Variants in CCDC134 observed in about 807,000 individuals in gnomAD.
CCDC134 encodes coiled-coil domain containing 134.
A neutral mutation model predicts 25.6 loss-of-function variants in CCDC134; 27 were observed. The observed-to-expected ratio is 1.05, with a 90% CI of 0.78 to 1.45. The LOEUF (loss-of-function observed/expected upper bound fraction) is 1.45, where lower values mean the gene tolerates loss of function less well. Among genes scored for constraint, CCDC134 ranks in the 40% most tolerant of loss-of-function variants. The pLI is 0.00. For missense variants in CCDC134, 261 were observed against 286.7 expected (o/e 0.91, Z 0.65); for synonymous variants, 110 against 115.0 (o/e 0.96, Z 0.28).
rs527849971 is a variant in CCDC134 at position 41,826,815 on chromosome 22, A to G, written c.*992A>G. On this transcript the variant is annotated 3_prime_UTR_variant, in exon 7 of 7. Transcript: ENST00000255784. ...CTGCCCTTCACTCATGCCCCTCCCAAGCAGAGGAGGGAAGGGCTTTAGTGA... is the reference window on the plus strand; with the variant it reads ...CTGCCCTTCACTCATGCCCCTCCCAGGCAGAGGAGGGAAGGGCTTTAGTGA... Among the ~76,000 whole-genome samples the G allele has an allele frequency of 6.6e-6, 1 of 152,286 alleles. No individual in the cohort carries two copies. Among genetic ancestry groups the G allele is most frequent in the African/African-American group, 2.4e-5 (1 of 41,574 alleles).
At position 41,811,417 on chromosome 22, in the gene CCDC134, T is replaced by G. The variant is rs5751167; in HGVS notation, c.310+1126T>G. Among the ~76,000 whole-genome samples, 408 of 152,284 alleles carry G rather than the reference T, an allele frequency of 2.7e-3. 17 individuals carry two copies. In the East Asian group the frequency reaches 0.061, roughly 23 times the overall value. On this transcript the variant is annotated intron_variant, in intron 4 of 6. Transcript: ENST00000255784. ...GTTGTTTTGCAGACGACAATGCTTG[T>G]ACAGAAACTATTCTTTTCTTTTTTT...
chr22:41,815,204 C>CTTTTCT, intron 6 of CCDC134, among the ~76,000 whole-genome samples: 1 of 122,140 alleles, frequency 8.2e-6, no homozygotes, highest in Admixed American at 8.3e-5. Flanking sequence ...CTTTTCTTTT[C>CTTTTCT]TTTTTTTTTT....
intron 4 of CCDC134, among the ~76,000 whole-genome samples, chr22:41,812,885 T>C (rs2076603957): frequency 6.6e-6 from 1 of 152,122 alleles, no homozygotes; most frequent in Non-Finnish European, 1.5e-5. Flanking sequence ...TCAGCATCTG[T>C]GTGCAGAACA....
intron 6 of CCDC134, among the ~76,000 whole-genome samples, chr22:41,820,000 A>ATATATAAT (rs2076642804): frequency 1.5e-5 from 1 of 67,670 alleles, no homozygotes; most frequent in South Asian, 4.5e-4. Context: ...TATATATATA[A>ATATATAAT]TTTTTTTTTT....
chr22:41,823,166 T>C (rs539570859), intron 6 of CCDC134, among the ~76,000 whole-genome samples: 1 of 151,638 alleles, frequency 6.6e-6, no homozygotes, highest in Admixed American at 6.6e-5. Flanking sequence ...GTAATAGATA[T>C]AAATAAGAGT....
intron 1 of CCDC134, among the ~76,000 whole-genome samples, chr22:41,801,118 T>C (rs1422886677): frequency 6.6e-6 from 1 of 152,222 alleles, no homozygotes; most frequent in East Asian, 1.9e-4. Context: ...TCCCGCAGGC[T>C]GCTGTTCTGG....
At chr22:41,800,977 C>G (rs1220662865) in intron 1 of CCDC134, among the ~76,000 whole-genome samples, 1 of 152,224 alleles carries the variant, frequency 6.6e-6, no homozygotes, top group African/African-American at 2.4e-5. Flanking sequence ...TCAAGGCCCG[C>G]CACTACCTGG....
intron 1 of CCDC134, among the ~76,000 whole-genome samples, chr22:41,805,337 A>G (rs1359359902): frequency 6.6e-6 from 1 of 152,144 alleles, no homozygotes; most frequent in Non-Finnish European, 1.5e-5. Flanking sequence ...GAGACTGAGG[A>G]AGGAGAATTG....
chr22:41,828,183 A>G lies in CCDC134; in HGVS notation c.*2360A>G, dbSNP rs962758105. Among the ~76,000 whole-genome samples, 1 of 150,878 alleles carries G rather than the reference A, an allele frequency of 6.6e-6. No homozygotes were observed. Among genetic ancestry groups the G allele is most frequent in the Non-Finnish European group, 1.5e-5 (1 of 67,836 alleles). On this transcript the variant is annotated 3_prime_UTR_variant, in exon 7 of 7. Coordinates refer to ENST00000255784, the MANE Select transcript of CCDC134 (RefSeq NM_024821.5). ...GGGAAGCCAGCCCAGTGTGGTGGCA[A>G]GACCTGGGCAACTTGGGACCAGCCT... is the stretch of plus-strand genomic sequence containing the variant.
chr22:41,810,239 T>G lies in CCDC134; in HGVS notation c.258T>G (p.Ala86=). The G allele has an allele frequency of 6.2e-7, 1 of 1,614,072 alleles. No homozygotes were observed. Among genetic ancestry groups the G allele is most frequent in the Non-Finnish European group, 8.5e-7 (1 of 1,179,996 alleles). ...AGGACTCCCGGACAGTGCTCACCGCTGCTGATGTGCTCCCAGATGGGCCCT... is the reference window on the plus strand; with the variant it reads ...AGGACTCCCGGACAGTGCTCACCGCGGCTGATGTGCTCCCAGATGGGCCCT... ...VLEDSRTVLT[A]ADVLPDGPFP... The change falls in exon 4 of 7, where the codon GCT becomes GCG. Residue 86 remains alanine (A), a synonymous_variant. Coordinates refer to ENST00000255784, the MANE Select transcript of CCDC134 (RefSeq NM_024821.5).
chr22:41,825,968 G>C lies in CCDC134; in HGVS notation c.*145G>C, dbSNP rs1569360060. On this transcript the variant is annotated 3_prime_UTR_variant, in exon 7 of 7. Transcript: ENST00000255784. This position sits in a 1 kb window ranked among gnomAD's most constrained non-coding sequence, Gnocchi z 4.4. Reference sequence around the variant, plus strand: ...TGCCCGGCCCCCTGGAGCTGGGTCTGAGCCCCAGCTGAAGGGACTGAGCCT... The same window carrying C: ...TGCCCGGCCCCCTGGAGCTGGGTCTCAGCCCCAGCTGAAGGGACTGAGCCT... 6.1e-6 allele frequency: 7 copies of C among 1,153,450 alleles called. No individual in the cohort carries two copies. In the East Asian group the frequency reaches 1.4e-4, roughly 24 times the overall value. 71.5% of individuals were successfully genotyped at this position (1,153,450 alleles called of 1,614,324 possible).
Position 41,828,780 on chromosome 22 carries a change from G to A in CCDC134, c.*2957G>A, listed in dbSNP as rs2076691509. The stretch of plus-strand genomic sequence containing the variant: ...CTGCATATACCACTGTGGGAGTCGT[G>A]CTGGTGGCGGTAGTGGTCACAGGTA... On this transcript the variant is annotated 3_prime_UTR_variant, in exon 7 of 7. Transcript: ENST00000255784. Among the ~76,000 whole-genome samples, 1 of 152,212 alleles carries A rather than the reference G, an allele frequency of 6.6e-6. No homozygotes were observed. The highest frequency in any genetic ancestry group is 2.1e-4 in the South Asian group (1 of 4,836).
At chr22:41,803,322 G>A (rs112821713) in intron 1 of CCDC134, among the ~76,000 whole-genome samples, 2,555 of 152,172 alleles carry the variant, frequency 0.017, 82 homozygotes, top group African/African-American at 0.059. Flanking sequence ...GGAAGGAGTG[G>A]CTCTCAAGGT....
chr22:41,819,996 T>TATAA (rs1556021009), intron 6 of CCDC134, among the ~76,000 whole-genome samples: 75 of 132,362 alleles, frequency 5.7e-4, no homozygotes, highest in African/African-American at 2.1e-3. Flanking sequence ...TATATATATA[T>TATAA]ATAATTTTTT....
At chr22:41,809,480 G>A (rs1602236647) in intron 2 of CCDC134, among the ~76,000 whole-genome samples, 1 of 152,214 alleles carries the variant, frequency 6.6e-6, no homozygotes, top group Non-Finnish European at 1.5e-5. Flanking sequence ...GAAACACTGT[G>A]TGATGGTTTT....
chr22:41,825,949 G>T lies in CCDC134; in HGVS notation c.*126G>T. 7.5e-7 allele frequency: 1 copy of T among 1,341,694 alleles called. No homozygotes were observed. Among genetic ancestry groups the T allele is most frequent in the Non-Finnish European group, 1.0e-6 (1 of 977,122 alleles). The allele number at this position is 1,341,694 out of a possible 1,614,324, so 83.1% of individuals were successfully genotyped here. On this transcript the variant is annotated 3_prime_UTR_variant, in exon 7 of 7. Transcript: ENST00000255784. This position sits in a 1 kb window ranked among gnomAD's most constrained non-coding sequence, Gnocchi z 4.4. ...CAGAAGGGGAGGCCACATTTGCCCG[G>T]CCCCCTGGAGCTGGGTCTGAGCCCC...
chr22:41,817,061 G>C (rs1413907361), intron 6 of CCDC134, among the ~76,000 whole-genome samples: 3 of 152,108 alleles, frequency 2.0e-5, no homozygotes, highest in Non-Finnish European at 2.9e-5. Flanking sequence ...CAGATGTATA[G>C]AGACCTGTTA....
chr22:41,810,266 C>T lies in CCDC134; in HGVS notation c.285C>T (p.Phe95=). Residue 95 remains phenylalanine, a synonymous_variant, in exon 4 of 7, where the codon TTC becomes TTT. Transcript: ENST00000255784. ...CTGATGTGCTCCCAGATGGGCCCTT[C>T]CCCCAGGACGAGAAGCTGAAGGATG... ...TAADVLPDGP[F]PQDEKLKDAF... is the part of the protein sequence containing the mutation. 2 of 1,613,956 alleles carry T rather than the reference C, an allele frequency of 1.2e-6. No individual in the cohort carries two copies. Among genetic ancestry groups the T allele is most frequent in the Non-Finnish European group, 1.7e-6 (2 of 1,179,946 alleles).
Position 41,813,363 on chromosome 22 carries a change from A to C in CCDC134, c.410A>C (p.Asn137Thr), listed in dbSNP as rs1291707382. The C allele has an allele frequency of 5.0e-6, 8 of 1,613,706 alleles. No individual in the cohort carries two copies. The highest frequency in any genetic ancestry group is 6.8e-6 in the Non-Finnish European group (8 of 1,179,954). Residue 137 changes from asparagine (N) to threonine (T), a missense_variant, in exon 5 of 7, where the codon AAC becomes ACC. Physicochemically the swap from Asn to Thr is moderately conservative, Grantham distance 65 (BLOSUM62 0). Coordinates refer to ENST00000255784, the MANE Select transcript of CCDC134 (RefSeq NM_024821.5). ...HYYFDHNSNW[N>T]LLIRWGISFC... ...TACTTTGACCACAACTCCAACTGGAACCTCCTCATCCGCTGGGGTATCAGT... is the reference window on the plus strand; with the variant it reads ...TACTTTGACCACAACTCCAACTGGACCCTCCTCATCCGCTGGGGTATCAGT...
Sources: gnomAD v4.1 joint callset for allele counts (sites outside exome capture counted in the v4.1 genomes callset) on GRCh38, gnomAD v4.1.1 for gene constraint, Gnocchi (gnomAD v3.1) non-coding constraint, MANE v1.5 for transcripts, NCBI Gene and HGNC (gene_info 2026-07-23, HGNC 2026-07-21) for gene names.